Variants in KALRN observed in about 807,000 individuals in gnomAD.
The protein encoded by KALRN is kalirin.
Under a neutral mutation model 353.7 loss-of-function variants are expected in KALRN, and 70 were observed. The observed-to-expected ratio is 0.20, with a 90% CI of 0.16 to 0.24. The LOEUF is 0.24. Among genes scored for constraint, KALRN ranks in the 10% least tolerant of loss-of-function variants. The pLI is 1.00. For synonymous variants in KALRN, 1,391 were observed against 1,434.8 expected (o/e 0.97, Z 0.69); for missense variants, 2,791 against 3,756.7 (o/e 0.74, Z 6.72).
At chr3:124,138,748 G>C (rs1333799617) in intron 1 of KALRN, among the ~76,000 whole-genome samples, 1 of 152,126 alleles carries the variant, frequency 6.6e-6, no homozygotes, top group Non-Finnish European at 1.5e-5. Context: ...TATTCCCCTG[G>C]ACCACTGAAG....
intron 34 of KALRN, among the ~76,000 whole-genome samples, chr3:124,615,293 A>G (rs892307879): frequency 5.3e-5 from 8 of 152,264 alleles, no homozygotes; most frequent in African/African-American, 1.9e-4. Flanking sequence ...ACATTCTACA[A>G]AATAACTACC....
chr3:124,131,029 A>T (rs899643687), intron 1 of KALRN, among the ~76,000 whole-genome samples: 3 of 152,178 alleles, frequency 2.0e-5, no homozygotes, highest in African/African-American at 7.2e-5. Context: ...TGATTATATT[A>T]GTGTATAACA....
chr3:124,564,375 C>T (rs1370983930), intron 34 of KALRN, among the ~76,000 whole-genome samples: 7 of 151,950 alleles, frequency 4.6e-5, no homozygotes, highest in African/African-American at 9.7e-5. Flanking sequence ...AGAGAAAGAC[C>T]GCACCTCTAA....
intron 1 of KALRN, among the ~76,000 whole-genome samples, chr3:124,202,611 C>A (rs944413805): frequency 2.0e-5 from 3 of 152,086 alleles, no homozygotes; most frequent in Non-Finnish European, 4.4e-5. Context: ...CCCTCCTCCT[C>A]CTCCTCCTGG....
intron 37 of KALRN, among the ~76,000 whole-genome samples, chr3:124,644,712 T>C (rs1184748601): frequency 6.6e-6 from 1 of 152,228 alleles, no homozygotes; most frequent in Non-Finnish European, 1.5e-5. Context: ...ACATTTTCTT[T>C]ATCCAGTCTA....
intron 34 of KALRN, among the ~76,000 whole-genome samples, chr3:124,627,489 G>A (rs1255742047): frequency 6.6e-6 from 1 of 152,240 alleles, no homozygotes; most frequent in Non-Finnish European, 1.5e-5. Context: ...AGGCCATGAT[G>A]TACCATGGAA....
At chr3:124,105,871 G>A (rs781313922) in intron 1 of KALRN, among the ~76,000 whole-genome samples, 10 of 152,206 alleles carry the variant, frequency 6.6e-5, no homozygotes, top group Non-Finnish European at 1.5e-4. Flanking sequence ...TTTGAGGCTG[G>A]GGTAAGGGAC....
chr3:124,307,453 A>G (rs1433843173), intron 6 of KALRN, among the ~76,000 whole-genome samples: 1 of 152,086 alleles, frequency 6.6e-6, no homozygotes, highest in Non-Finnish European at 1.5e-5. Context: ...GGTTTGTAAC[A>G]TTTATAAATG....
chr3:124,464,962 C>T (rs1029983331), intron 25 of KALRN, among the ~76,000 whole-genome samples: 10 of 151,906 alleles, frequency 6.6e-5, no homozygotes, highest in Non-Finnish European at 1.3e-4. Context: ...TGTGTTACAG[C>T]ATAGCATACT....
At chr3:124,112,497 C>T (rs1297244822) in intron 1 of KALRN, among the ~76,000 whole-genome samples, 1 of 151,992 alleles carries the variant, frequency 6.6e-6, no homozygotes, top group Non-Finnish European at 1.5e-5. Context: ...GTTCAGAAAC[C>T]AGATCCTCCT....
chr3:124,555,454 TAA>T (rs2071117859), intron 33 of KALRN, among the ~76,000 whole-genome samples: 5 of 147,584 alleles, frequency 3.4e-5, no homozygotes, highest in African/African-American at 1.3e-4. Context: ...AATAAATAAA[TAA>T]ATAAATAAAG....
intron 51 of KALRN, among the ~76,000 whole-genome samples, chr3:124,680,550 A>G (rs1846891): frequency 0.18 from 27,109 of 152,234 alleles, 2,671 homozygotes; most frequent in Middle Eastern, 0.29. Flanking sequence ...AATTTATATC[A>G]TCCCAAACAT....
intron 10 of KALRN, among the ~76,000 whole-genome samples, chr3:124,371,029 A>G (rs1019395033): frequency 6.6e-5 from 10 of 152,240 alleles, no homozygotes; most frequent in African/African-American, 2.2e-4. Flanking sequence ...TTTATAAAGC[A>G]TAAATAATTT....
At chr3:124,114,720 G>T (rs1437476250) in intron 1 of KALRN, among the ~76,000 whole-genome samples, 1 of 152,184 alleles carries the variant, frequency 6.6e-6, no homozygotes, top group Non-Finnish European at 1.5e-5. Flanking sequence ...GGAGATATGA[G>T]TGGGGCTCCT....
chr3:124,292,681 G>A (rs1393251756), intron 5 of KALRN, among the ~76,000 whole-genome samples: 2 of 152,164 alleles, frequency 1.3e-5, no homozygotes, highest in African/African-American at 2.4e-5. Flanking sequence ...GGCGGTGGAT[G>A]TGTTTGCATA....
At chr3:124,664,371 G>GCGCGCGCGCGCGCGCA (rs1553719838) in intron 45 of KALRN, among the ~76,000 whole-genome samples, 2 of 77,044 alleles carry the variant, frequency 2.6e-5, no homozygotes, top group East Asian at 7.2e-4. Context: ...GTGTGTGTGT[G>GCGCGCGCGCGCGCGCA]CGCGCGCGCG....
At position 124,650,002 on chromosome 3, in the gene KALRN, AAT is replaced by A. The variant is rs1469285128; in HGVS notation, c.5665-804_5665-803del. Among the ~76,000 whole-genome samples the A allele has an allele frequency of 1.1e-3, 162 of 142,962 alleles. 2 individuals are homozygous for A. The highest frequency in any genetic ancestry group is 1.5e-4 in the Non-Finnish European group (10 of 65,600). 93.8% of individuals were successfully genotyped at this position (142,962 alleles called of 152,430 possible). ...TAATAATAATAATAATAATAATAAT[AAT>A]AAAGAATAGCCTTAGATTAGTCTCT... On this transcript the variant is annotated intron_variant, in intron 37 of 59. Transcript: ENST00000682506.
chr3:124,346,134 T>C (rs1159629958), intron 9 of KALRN, among the ~76,000 whole-genome samples: 1 of 152,176 alleles, frequency 6.6e-6, no homozygotes, highest in Non-Finnish European at 1.5e-5. Flanking sequence ...TCTGATTTAA[T>C]TGTGGTCACC....
At chr3:124,215,135 T>A (rs2077210046) in intron 1 of KALRN, among the ~76,000 whole-genome samples, 1 of 152,166 alleles carries the variant, frequency 6.6e-6, no homozygotes. Context: ...GAGATGCCCC[T>A]GACCATAGCC....
Sources: gnomAD v4.1 joint callset for allele counts (sites outside exome capture counted in the v4.1 genomes callset) on GRCh38, gnomAD v4.1.1 for gene constraint, MANE v1.5 for transcripts, NCBI Gene and HGNC (gene_info 2026-07-23, HGNC 2026-07-21) for gene names.